PDE10A: variants seen among roughly 807,000 people sequenced by gnomAD.
The protein encoded by PDE10A is cAMP and cAMP-inhibited cGMP 3',5'-cyclic phosphodiesterase 10A.
Under a neutral mutation model 97.7 loss-of-function variants are expected in PDE10A, and 39 were observed. That is an observed-to-expected ratio of 0.40 (90% CI 0.31 to 0.52). PDE10A has a LOEUF of 0.52. Among genes scored for constraint, PDE10A ranks in the 20% least tolerant of loss-of-function variants. The probability of loss-of-function intolerance (pLI) is 0.56; values close to 1 mark genes in which losing one functional copy is unlikely to be tolerated. For synonymous variants in PDE10A, 371 were observed against 376.8 expected, an observed-to-expected ratio of 0.98 and a Z score of 0.18; for missense variants, 731 against 1,047.8, an observed-to-expected ratio of 0.70 and a Z score of 4.17.
chr6:165,922,727 C>T lies in PDE10A; in HGVS notation c.-615+64802G>A, dbSNP rs542520286. On this transcript the variant is annotated intron_variant, in intron 1 of 19. Coordinates refer to the PDE10A transcript ENST00000366882. ...ATGAGCTCCACACGTGAGTCAGATTCGGAAAGAAAAGTGCCCCGTGGGTAG... is the reference window on the plus strand; with the variant it reads ...ATGAGCTCCACACGTGAGTCAGATTTGGAAAGAAAAGTGCCCCGTGGGTAG... Among the ~76,000 whole-genome samples, 259 of 152,250 alleles carry T rather than the reference C, an allele frequency of 1.7e-3. 1 individual carries two copies. Among genetic ancestry groups the T allele is most frequent in the African/African-American group, 6.0e-3 (249 of 41,538 alleles).
At chr6:165,616,983 T>C (rs1787754369) in intron 1 of PDE10A, among the ~76,000 whole-genome samples, 1 of 152,224 alleles carries the variant, frequency 6.6e-6, no homozygotes, top group Non-Finnish European at 1.5e-5. Context: ...TACTGGATGT[T>C]CCAGAATCAA....
intron 5 of PDE10A, among the ~76,000 whole-genome samples, chr6:165,444,885 CTG>C (rs1298517370): frequency 6.6e-6 from 1 of 152,010 alleles, no homozygotes; most frequent in Non-Finnish European, 1.5e-5. Context: ...AGTATAAAAA[CTG>C]TATAATTCTT....
intron 1 of PDE10A, among the ~76,000 whole-genome samples, chr6:165,657,607 G>A (rs1790032062): frequency 6.6e-6 from 1 of 152,210 alleles, no homozygotes; most frequent in Admixed American, 6.5e-5. Flanking sequence ...CTATTGGAGT[G>A]GAAAAAGTTT....
At chr6:165,628,522 A>G (rs559314391) in intron 1 of PDE10A, among the ~76,000 whole-genome samples, 1 of 152,046 alleles carries the variant, frequency 6.6e-6, no homozygotes, top group African/African-American at 2.4e-5. Flanking sequence ...CCCGGCAATT[A>G]TTTTTATTTT....
At chr6:165,771,883 A>G (rs1019261465) in intron 1 of PDE10A, among the ~76,000 whole-genome samples, 13 of 152,108 alleles carry the variant, frequency 8.5e-5, no homozygotes, top group Non-Finnish European at 1.6e-4. Flanking sequence ...TGTGATGCAG[A>G]GCTGGCTGCA....
rs181094778 is a variant in PDE10A, at chr6:165,911,872, C to G, written c.-615+75657G>C. Among the ~76,000 whole-genome samples, 560 of 152,240 alleles carry G rather than the reference C, an allele frequency of 3.7e-3. 2 individuals are homozygous for G. The highest frequency in any genetic ancestry group is 0.013 in the African/African-American group (543 of 41,542). On this transcript the variant is annotated intron_variant, in intron 1 of 19. Coordinates refer to the PDE10A transcript ENST00000366882. ...TTTCCAAGGTGCTGTCCGGAGGAAG[C>G]TTTTGAGGGCCAGGAAGTGTGCGTT...
chr6:165,843,990 G>T (rs117660981), intron 1 of PDE10A, among the ~76,000 whole-genome samples: 1 of 152,120 alleles, frequency 6.6e-6, no homozygotes, highest in African/African-American at 2.4e-5. Context: ...TCCAGAGCAC[G>T]GCACAGGTTC....
At chr6:165,548,274 CTCTTTTTTTT>C (rs1235825662) in intron 1 of PDE10A, among the ~76,000 whole-genome samples, 1 of 128,114 alleles carries the variant, frequency 7.8e-6, no homozygotes, top group African/African-American at 3.1e-5. Context: ...GGCTTTAAAT[CTCTTTTTTTT>C]TTTTTTTTTT....
intron 5 of PDE10A, among the ~76,000 whole-genome samples, chr6:165,448,444 G>T (rs915238307): frequency 1.3e-5 from 2 of 152,222 alleles, no homozygotes; most frequent in Admixed American, 1.3e-4. Context: ...TCCTTGACTG[G>T]CCTGAGCCTA....
chr6:165,379,167 T>A (rs1380068002), intron 18 of PDE10A, 27 bp downstream of exon 18: 7 of 1,510,458 alleles, frequency 4.6e-6, no homozygotes, highest in Non-Finnish European at 6.4e-6. Flanking sequence ...CTTTCTGGGC[T>A]TCTAAGCTTT....
At chr6:165,641,187 G>A (rs1336438163) in intron 1 of PDE10A, among the ~76,000 whole-genome samples, 2 of 151,726 alleles carry the variant, frequency 1.3e-5, no homozygotes, top group Admixed American at 6.6e-5. Flanking sequence ...ACGCCCAGAG[G>A]TCAACAAAGA....
chr6:165,356,620 C>T (rs1043240716), intron 18 of PDE10A, among the ~76,000 whole-genome samples: 43 of 152,036 alleles, frequency 2.8e-4, no homozygotes, highest in Non-Finnish European at 8.8e-5. Context: ...TGAAGATTTT[C>T]TCCCATGTTT....
At chr6:165,643,266 G>A (rs1008722494) in intron 1 of PDE10A, among the ~76,000 whole-genome samples, 4 of 151,822 alleles carry the variant, frequency 2.6e-5, no homozygotes, top group African/African-American at 9.7e-5. Flanking sequence ...TGGATGGATG[G>A]AGAGACGAGC....
chr6:165,354,232 C>T (rs1782880611), intron 18 of PDE10A, among the ~76,000 whole-genome samples: 1 of 152,134 alleles, frequency 6.6e-6, no homozygotes, highest in Admixed American at 6.5e-5. Flanking sequence ...AAGTGTATTT[C>T]TGACTTAAGA....
chr6:165,337,617 G>T (rs904234437), intron 20 of PDE10A, among the ~76,000 whole-genome samples: 1 of 152,166 alleles, frequency 6.6e-6, no homozygotes. Flanking sequence ...TAATTTCACA[G>T]TCATCAACTA....
chr6:165,945,642 A>G (rs761793250), intron 1 of PDE10A, among the ~76,000 whole-genome samples: 2 of 152,188 alleles, frequency 1.3e-5, no homozygotes, highest in Non-Finnish European at 2.9e-5. Flanking sequence ...GGTGCCATCT[A>G]CAAACCAGGA....
chr6:165,465,734 C>T (rs1331644910), intron 3 of PDE10A, among the ~76,000 whole-genome samples: 1 of 152,154 alleles, frequency 6.6e-6, no homozygotes, highest in Non-Finnish European at 1.5e-5. Context: ...AAAACTCACT[C>T]ACTATCATGA....
chr6:165,840,270 G>T (rs1323307964), intron 1 of PDE10A, among the ~76,000 whole-genome samples: 2 of 151,880 alleles, frequency 1.3e-5, no homozygotes, highest in Admixed American at 1.3e-4. Flanking sequence ...CCTCACACAG[G>T]TACCTGCAAT....
At position 165,538,952 on chromosome 6, in the gene PDE10A, A is replaced by T. The variant is rs142786478; in HGVS notation, c.994+4488T>A. On this transcript the variant is annotated intron_variant, in intron 2 of 21. Coordinates refer to ENST00000539869, the MANE Select transcript of PDE10A (RefSeq NM_001385079.1). ...CATAAAAATATAACATTTAGTGGGC[A>T]ACATATGCCTAGATAATTTTCTTTA... Among the ~76,000 whole-genome samples, 1,093 of 152,300 alleles carry T rather than the reference A, an allele frequency of 7.2e-3. 12 individuals carry two copies. The highest frequency in any genetic ancestry group is 0.024 in the African/African-American group (995 of 41,552).
Sources: allele counts gnomAD v4.1 joint callset (sites outside exome capture counted in the v4.1 genomes callset), GRCh38; gene constraint gnomAD v4.1.1; transcripts MANE v1.5; gene names NCBI Gene and HGNC (gene_info 2026-07-23, HGNC 2026-07-21).